SPOP: variants seen among roughly 807,000 people sequenced by gnomAD.
SPOP encodes speckle-type POZ protein.
Under a neutral mutation model 45.6 loss-of-function variants are expected in SPOP, and 11 were observed. The observed-to-expected ratio is 0.24, with a 90% CI of 0.15 to 0.40. The LOEUF is 0.40. SPOP is among the 10% of genes least tolerant of loss of function. The pLI, the probability that SPOP is intolerant of heterozygous loss-of-function variation, is 1.00. For synonymous variants in SPOP, 166 were observed against 166.3 expected, an observed-to-expected ratio of 1.00 and a Z score of 0.01; for missense variants, 152 against 465.6, an observed-to-expected ratio of 0.33 and a Z score of 6.20.
intron 1 of SPOP, among the ~76,000 whole-genome samples, chr17:49,669,075 C>CT (rs34762029): frequency 1.0e-4 from 15 of 148,938 alleles, no homozygotes; most frequent in Non-Finnish European, 1.5e-4. Context: ...CGCGCCCGGC[C>CT]TTTTTTTTTT....
At chr17:49,649,227 T>C (rs1249874187) in intron 1 of SPOP, among the ~76,000 whole-genome samples, 2 of 152,136 alleles carry the variant, frequency 1.3e-5, no homozygotes, top group African/African-American at 4.8e-5. Context: ...TAGTTTTTGT[T>C]CTCTTTAATT....
intron 1 of SPOP, among the ~76,000 whole-genome samples, chr17:49,644,984 C>G (rs1044813172): frequency 1.3e-5 from 2 of 151,756 alleles, no homozygotes; most frequent in African/African-American, 4.8e-5. Context: ...TTGGCTTTTT[C>G]TTTTTTTAAG....
intron 1 of SPOP, among the ~76,000 whole-genome samples, chr17:49,643,456 T>C (rs185656806): frequency 1.3e-5 from 2 of 152,278 alleles, no homozygotes; most frequent in Admixed American, 1.3e-4. Flanking sequence ...ATGTAATAAT[T>C]CTAATCAAAT....
intron 8 of SPOP, among the ~76,000 whole-genome samples, chr17:49,606,492 T>A (rs1236566362): frequency 5.0e-5 from 6 of 118,862 alleles, no homozygotes. Context: ...TTGTTTCTTT[T>A]TTCTTTTTTT....
chr17:49,671,028 TTC>T (rs1041062841), intron 1 of SPOP, among the ~76,000 whole-genome samples: 6 of 152,166 alleles, frequency 3.9e-5, no homozygotes, highest in Non-Finnish European at 7.4e-5. Flanking sequence ...CTAAATTTTA[TTC>T]TGTGTGCCTT....
At chr17:49,641,021 G>C (rs2072636656) in intron 1 of SPOP, among the ~76,000 whole-genome samples, 1 of 152,034 alleles carries the variant, frequency 6.6e-6, no homozygotes, top group Admixed American at 6.6e-5. Flanking sequence ...CCAGCACTTT[G>C]ATATGCCGAG....
chr17:49,626,789 T>G (rs891984323), intron 1 of SPOP, among the ~76,000 whole-genome samples: 5 of 152,222 alleles, frequency 3.3e-5, no homozygotes, highest in Non-Finnish European at 7.3e-5. Flanking sequence ...AGTTGCACTT[T>G]CACAGAGTAA....
At chr17:49,673,013 A>T (rs559990584) in intron 1 of SPOP, among the ~76,000 whole-genome samples, 2 of 152,106 alleles carry the variant, frequency 1.3e-5, no homozygotes, top group Non-Finnish European at 2.9e-5. Context: ...GACTAAAGAG[A>T]TATATTTGGA....
intron 1 of SPOP, among the ~76,000 whole-genome samples, chr17:49,630,698 T>C (rs1023997850): frequency 6.6e-6 from 1 of 152,340 alleles, no homozygotes; most frequent in Non-Finnish European, 1.5e-5. Context: ...GCAATCCTCC[T>C]GCCTTGGCTT....
At chr17:49,670,555 T>C (rs528736811) in intron 1 of SPOP, among the ~76,000 whole-genome samples, 71 of 152,372 alleles carry the variant, frequency 4.7e-4, no homozygotes, top group Admixed American at 2.7e-3. Flanking sequence ...CAAATACCAC[T>C]ACATTGTAGG....
At chr17:49,647,239 C>G (rs2072773213) in intron 1 of SPOP, among the ~76,000 whole-genome samples, 1 of 136,754 alleles carries the variant, frequency 7.3e-6, no homozygotes, top group African/African-American at 2.8e-5. Flanking sequence ...GCCCAGGAGG[C>G]AGAGAGGTTG....
chr17:49,623,540 C>G (rs1288497254), intron 1 of SPOP, among the ~76,000 whole-genome samples: 1 of 152,160 alleles, frequency 6.6e-6, no homozygotes, highest in African/African-American at 2.4e-5. Context: ...GGTAAAAATA[C>G]TCTACTCCTA....
intron 8 of SPOP, among the ~76,000 whole-genome samples, chr17:49,603,582 T>TC: frequency 6.6e-6 from 1 of 152,332 alleles, no homozygotes; most frequent in South Asian, 2.1e-4. Flanking sequence ...ATTACACATG[T>TC]CCCCAGGAGA....
intron 1 of SPOP, among the ~76,000 whole-genome samples, chr17:49,655,198 T>C (rs971648167): frequency 6.6e-6 from 1 of 152,134 alleles, no homozygotes; most frequent in African/African-American, 2.4e-5. Context: ...GTGATATAAA[T>C]ATTCCAAAAC....
chr17:49,624,334 C>T (rs911599490), intron 1 of SPOP, among the ~76,000 whole-genome samples: 1 of 36,624 alleles, frequency 2.7e-5, no homozygotes, highest in African/African-American at 8.6e-5. Flanking sequence ...CGCGCGCGCA[C>T]ACACACACAC....
At chr17:49,601,613 CT>C in intron 9 of SPOP, 1 of 392,628 alleles carries the variant, frequency 2.5e-6, no homozygotes. Flanking sequence ...GGGCATACAG[CT>C]TTTTCAGGCC....
intron 1 of SPOP, among the ~76,000 whole-genome samples, chr17:49,648,931 G>T (rs1354453844): frequency 6.6e-6 from 1 of 151,910 alleles, no homozygotes; most frequent in Admixed American, 6.6e-5. Flanking sequence ...CCAATCTTTT[G>T]TATTTTTAGT....
At chr17:49,614,332 G>A (rs2072037695) in intron 5 of SPOP, among the ~76,000 whole-genome samples, 1 of 152,152 alleles carries the variant, frequency 6.6e-6, no homozygotes, top group Admixed American at 6.5e-5. Context: ...ATGAAGTATA[G>A]TTATATAAAT....
At chr17:49,605,587 G>A (rs998458516) in intron 8 of SPOP, among the ~76,000 whole-genome samples, 3 of 152,182 alleles carry the variant, frequency 2.0e-5, no homozygotes, top group Non-Finnish European at 2.9e-5. Context: ...CTACTCGGGA[G>A]GCTGAGGCAG....
Sources: allele counts gnomAD v4.1 joint callset (sites outside exome capture counted in the v4.1 genomes callset), GRCh38; gene constraint gnomAD v4.1.1; transcripts MANE v1.5; gene names NCBI Gene and HGNC (gene_info 2026-07-23, HGNC 2026-07-21).